Variants in SUSD5 observed in about 807,000 individuals in gnomAD.
SUSD5 encodes sushi domain containing 5.
Under a neutral mutation model 29.5 loss-of-function variants are expected in SUSD5, and 33 were observed. That is an observed-to-expected ratio of 1.12 (90% CI 0.85 to 1.49). SUSD5 has a LOEUF of 1.49. SUSD5 is among the 40% of genes most tolerant of loss of function. The pLI, the probability that SUSD5 is intolerant of heterozygous loss-of-function variation, is 0.00. For synonymous variants in SUSD5, 308 were observed against 325.3 expected (o/e 0.95, Z 0.57); for missense variants, 776 against 800.6 (o/e 0.97, Z 0.37).
chr3:33,183,162 G>A (rs895123734), intron 3 of SUSD5, among the ~76,000 whole-genome samples: 5 of 151,988 alleles, frequency 3.3e-5, no homozygotes, highest in African/African-American at 1.2e-4. Context: ...CATATAGTTA[G>A]GTCTTGTTTT....
chr3:33,169,896 C>T (rs886925654), intron 4 of SUSD5, among the ~76,000 whole-genome samples: 1 of 151,594 alleles, frequency 6.6e-6, no homozygotes, highest in African/African-American at 2.4e-5. Flanking sequence ...CGGCAGATAG[C>T]CCTGTGGCAT....
chr3:33,184,311 G>C (rs942591160), intron 3 of SUSD5, among the ~76,000 whole-genome samples: 18 of 152,132 alleles, frequency 1.2e-4, no homozygotes, highest in Non-Finnish European at 2.9e-5. Context: ...CTCGTCCATA[G>C]ATAAGGTAGG....
At chr3:33,163,794 G>A (rs1328995255) in intron 4 of SUSD5, among the ~76,000 whole-genome samples, 1 of 152,102 alleles carries the variant, frequency 6.6e-6, no homozygotes, top group African/African-American at 2.4e-5. Context: ...TCAGGAGATC[G>A]AGACCATCCT....
chr3:33,174,454 G>A (rs2125620538), intron 4 of SUSD5, among the ~76,000 whole-genome samples: 1 of 152,196 alleles, frequency 6.6e-6, no homozygotes, highest in African/African-American at 2.4e-5. Flanking sequence ...CACCCTCAGG[G>A]CAGCCCAGAG....
chr3:33,200,669 C>T (rs1366229269), intron 3 of SUSD5, among the ~76,000 whole-genome samples: 1 of 152,156 alleles, frequency 6.6e-6, no homozygotes, highest in Non-Finnish European at 1.5e-5. Flanking sequence ...TCTTCTCATA[C>T]AATACCTAAA....
intron 2 of SUSD5, 132 bp from the exon 3 acceptor site, chr3:33,208,058 AT>A: frequency 1.6e-6 from 1 of 642,856 alleles, no homozygotes. Context: ...GAAAGCATAA[AT>A]CTGGACACAT....
chr3:33,212,528 C>G (rs1454311947), intron 2 of SUSD5, among the ~76,000 whole-genome samples: 1 of 152,218 alleles, frequency 6.6e-6, no homozygotes, highest in Non-Finnish European at 1.5e-5. Flanking sequence ...CGTATAATGT[C>G]TAGGGGCTGA....
Position 33,178,445 on chromosome 3 carries a change from TG to T in SUSD5, c.410-3372del, listed in dbSNP as rs367581959. Among the ~76,000 whole-genome samples the T allele has an allele frequency of 8.9e-3, 1,130 of 126,548 alleles. 19 individuals carry two copies. The highest frequency in any genetic ancestry group is 0.026 in the African/African-American group (974 of 38,068). The allele number at this position is 126,548 out of a possible 152,430, so 83.0% of individuals were successfully genotyped here. ...ATACATTGGTCTGTAGTTTTTTTTTTGTTGTTGTTTTGTTTTTTTTTGAGAC... is the reference window on the plus strand; with the variant it reads ...ATACATTGGTCTGTAGTTTTTTTTTTTTGTTGTTTTGTTTTTTTTTGAGAC... On this transcript the variant is annotated intron_variant, in intron 3 of 4. Transcript: ENST00000309558.
intron 3 of SUSD5, among the ~76,000 whole-genome samples, chr3:33,190,598 C>G (rs1448399844): frequency 6.6e-6 from 1 of 152,074 alleles, no homozygotes; most frequent in Admixed American, 6.5e-5. Flanking sequence ...AAATAATGAA[C>G]ATTGTAACAT....
chr3:33,164,827 A>G (rs1480642517), intron 4 of SUSD5, among the ~76,000 whole-genome samples: 1 of 152,198 alleles, frequency 6.6e-6, no homozygotes, highest in Non-Finnish European at 1.5e-5. Context: ...ACCCATCAAT[A>G]TGGCTAAAAA....
At chr3:33,178,421 T>C (rs1008569157) in intron 3 of SUSD5, among the ~76,000 whole-genome samples, 1 of 150,960 alleles carries the variant, frequency 6.6e-6, no homozygotes, top group Admixed American at 6.6e-5. Flanking sequence ...GTTCATGAGA[T>C]ACATTGGTCT....
chr3:33,170,819 G>A (rs116193596), intron 4 of SUSD5, among the ~76,000 whole-genome samples: 2 of 152,194 alleles, frequency 1.3e-5, no homozygotes, highest in South Asian at 2.1e-4. Flanking sequence ...TGGTAACAGG[G>A]GCTAGAGTTA....
At chr3:33,172,428 A>G (rs1334042996) in intron 4 of SUSD5, among the ~76,000 whole-genome samples, 1 of 152,174 alleles carries the variant, frequency 6.6e-6, no homozygotes, top group Non-Finnish European at 1.5e-5. Flanking sequence ...CAAACAACCC[A>G]TTTGGCTGTG....
intron 3 of SUSD5, among the ~76,000 whole-genome samples, chr3:33,187,434 T>C (rs1034912250): frequency 6.6e-5 from 10 of 152,210 alleles, no homozygotes; most frequent in Non-Finnish European, 1.2e-4. Context: ...ACTTCTGAGC[T>C]GGTGTGATTC....
intron 3 of SUSD5, among the ~76,000 whole-genome samples, chr3:33,185,417 C>T (rs528807207): frequency 2.0e-5 from 3 of 152,300 alleles, no homozygotes; most frequent in African/African-American, 7.2e-5. Context: ...ATGACTGGGT[C>T]CCCCTGGAGT....
chr3:33,202,078 A>G (rs1156790377), intron 3 of SUSD5, among the ~76,000 whole-genome samples: 1 of 144,754 alleles, frequency 6.9e-6, no homozygotes, highest in Non-Finnish European at 1.5e-5. Flanking sequence ...CTATCTATCT[A>G]TCATCTATCT....
chr3:33,218,612 G>A lies in SUSD5; in HGVS notation c.112+74C>T, dbSNP rs938351658. ...CTTGCCGGGCCGGTCAGAGGGAGCA[G>A]CCCCGGCGAGCTACGCCCTCCCTGC... On this transcript the variant is annotated intron_variant, in intron 1 of 4. Transcript: ENST00000309558. 6.7e-6 allele frequency: 8 copies of A among 1,202,878 alleles called. No homozygotes were observed. In the African/African-American group the frequency reaches 9.5e-5, roughly 14 times the overall value. The allele number at this position is 1,202,878 out of a possible 1,614,324, so 74.5% of individuals were successfully genotyped here. A position where few individuals can be genotyped will look rare whatever the true frequency, so the allele number is the denominator to read the frequency against.
rs72112093 is a variant in SUSD5 at position 33,204,627 on chromosome 3, A to ATTTTGTTTTGTTTTGTTTTG, written c.409+3161_409+3180dup. ...TGAGCCACCACACCCGGCCTGTTTT[A>ATTTTGTTTTGTTTTGTTTTG]TTTTGTTTTGTTTTGTTTTGTTTTG... On this transcript the variant is annotated intron_variant, in intron 3 of 4. Coordinates refer to ENST00000309558, the MANE Select transcript of SUSD5 (RefSeq NM_015551.2). This position sits in a 1 kb window ranked among gnomAD's most constrained non-coding sequence, Gnocchi z 4.5. 1.4e-5 allele frequency among the ~76,000 whole-genome samples: 2 copies of ATTTTGTTTTGTTTTGTTTTG among 147,832 alleles called. No individual in the cohort carries two copies. Among genetic ancestry groups the ATTTTGTTTTGTTTTGTTTTG allele is most frequent in the South Asian group, 2.2e-4 (1 of 4,542 alleles).
chr3:33,187,165 T>A (rs1232243464), intron 3 of SUSD5, among the ~76,000 whole-genome samples: 1 of 152,168 alleles, frequency 6.6e-6, no homozygotes, highest in Admixed American at 6.5e-5. Context: ...CAGCAAACAC[T>A]ATGAAAGGAC....
Sources: gnomAD v4.1 joint callset for allele counts (sites outside exome capture counted in the v4.1 genomes callset) on GRCh38, gnomAD v4.1.1 for gene constraint, Gnocchi (gnomAD v3.1) non-coding constraint, MANE v1.5 for transcripts, NCBI Gene and HGNC (gene_info 2026-07-23, HGNC 2026-07-21) for gene names.